The following SPANXN1 variants were observed in gnomAD, a reference collection of about 807,000 sequenced individuals.
SPANXN1 encodes the protein sperm protein associated with the nucleus on the X chromosome N1.
In SPANXN1, 1 loss-of-function variant was observed where a neutral mutation model predicts 2.0. The observed-to-expected ratio is 0.50, with a 90% CI of 0.18 to 2.36. The LOEUF (loss-of-function observed/expected upper bound fraction) is 2.36. Ranked by LOEUF, SPANXN1 falls within the 30% of genes most tolerant of loss-of-function variation. SPANXN1 has a pLI of 0.26. For missense variants in SPANXN1, 55 were observed against 51.8 expected, an observed-to-expected ratio of 1.06 and a Z score of -0.19; for synonymous variants, 27 against 21.3, an observed-to-expected ratio of 1.27 and a Z score of -0.74.
intron 1 of SPANXN1, among the ~76,000 whole-genome samples, chrX:145,252,081 C>T (rs1321395592): frequency 9.0e-6 from 1 of 111,453 alleles, no homozygotes; most frequent in Non-Finnish European, 1.9e-5. Context: ...AGGTCATTGA[C>T]ATATTGGAGG....
chrX:145,252,455 T>C (rs1345368628), intron 1 of SPANXN1, among the ~76,000 whole-genome samples: 2 of 110,555 alleles, frequency 1.8e-5, no homozygotes, highest in Non-Finnish European at 3.8e-5. Flanking sequence ...AATAGGGGTG[T>C]TGTGGGGAGA....
At chrX:145,250,342 G>A (rs187618129) in intron 1 of SPANXN1, among the ~76,000 whole-genome samples, 54 of 111,179 alleles carry the variant, frequency 4.9e-4, no homozygotes, top group African/African-American at 1.6e-3. Flanking sequence ...TTTCTGGGGG[G>A]CATGTGAGTG....
chrX:145,250,183 T>C (rs1351086447), intron 1 of SPANXN1, among the ~76,000 whole-genome samples: 2 of 111,976 alleles, frequency 1.8e-5, no homozygotes, highest in Non-Finnish European at 3.8e-5. Context: ...AATTGACCCA[T>C]TGTCTGACTG....
intron 1 of SPANXN1, among the ~76,000 whole-genome samples, chrX:145,254,241 G>A (rs1476614544): frequency 8.9e-6 from 1 of 111,772 alleles, no homozygotes; most frequent in Admixed American, 9.5e-5. Context: ...TTGAAAAGGT[G>A]AACAAGATTG....
In SPANXN1 at chrX:145,255,667, A is replaced by C. The variant is rs782729567; in HGVS notation, c.76-4A>C. 12 of 1,211,719 alleles carry C rather than the reference A, an allele frequency of 9.9e-6. No individual in the cohort carries two copies. The highest frequency in any genetic ancestry group is 1.8e-5 in the South Asian group (1 of 56,984). ...TTTCTGGCCTCTCCCTGTTTTCTTA[A>C]CAGATGCAGGAGACACCAAACAGGG... On this transcript the variant is annotated splice_region_variant and splice_polypyrimidine_tract_variant and intron_variant, in intron 1 of 1. Coordinates refer to ENST00000370493, the MANE Select transcript of SPANXN1 (RefSeq NM_001009614.3).
In SPANXN1 at chrX:145,256,024, T is replaced by A; in HGVS notation, c.*210T>A. The stretch of plus-strand genomic sequence containing the variant: ...TACCTGAAGGATCTTCAAAGCAGGA[T>A]GAAGACCTAGACTTACCTGAAGGAT... On this transcript the variant is annotated 3_prime_UTR_variant, in exon 2 of 2. Transcript: ENST00000370493. 2 of 713,155 alleles carry A rather than the reference T, an allele frequency of 2.8e-6. No homozygotes were observed. The highest frequency in any genetic ancestry group is 4.4e-6 in the Non-Finnish European group (2 of 456,061). 58.8% of individuals were successfully genotyped at this position (713,155 alleles called of 1,213,427 possible). A position where few individuals can be genotyped will look rare whatever the true frequency, so the allele number is the denominator to read the frequency against.
rs147948245 is a variant in SPANXN1, at chrX:145,247,648, A to G, written c.62A>G (p.Asn21Ser). ...EKRKSPCESNNENDEMQETPN... is the reference protein window; with the variant it reads ...EKRKSPCESNSENDEMQETPN... The stretch of plus-strand genomic sequence containing the variant: ...AGGAAGAGCCCCTGTGAATCCAACA[A>G]TGAAAATGATGAGGTAAGATTGTTA... The change falls in exon 1 of 2, where the codon AAT (asparagine) becomes AGT (serine). Residue 21 changes from asparagine (N) to serine (S), a missense_variant. By Grantham distance (46) the Asn-to-Ser change is conservative. Coordinates refer to ENST00000370493, the MANE Select transcript of SPANXN1 (RefSeq NM_001009614.3). The G allele has an allele frequency of 4.7e-5, 57 of 1,205,595 alleles. 1 individual carries two copies. In the African/African-American group the frequency reaches 6.1e-4, roughly 13 times the overall value.
At chrX:145,248,293 A>G (rs1188025270) in intron 1 of SPANXN1, among the ~76,000 whole-genome samples, 2 of 111,244 alleles carry the variant, frequency 1.8e-5, no homozygotes, top group South Asian at 3.9e-4. Context: ...GATGGTATCA[A>G]TGTGTTGCTG....
At chrX:145,251,812 AG>A in intron 1 of SPANXN1, among the ~76,000 whole-genome samples, 1 of 111,040 alleles carries the variant, frequency 9.0e-6, no homozygotes, top group East Asian at 2.8e-4. Context: ...AGCAAGTCAA[AG>A]TTGGAAATTC....
intron 1 of SPANXN1, among the ~76,000 whole-genome samples, chrX:145,254,624 G>A (rs2070800708): frequency 8.9e-6 from 1 of 112,330 alleles, no homozygotes; most frequent in African/African-American, 3.2e-5. Context: ...GAGAAGGGAG[G>A]CTGCGGTCAC....
rs375512066 is a variant in SPANXN1 at position 145,248,421 on chromosome X, A to G, written c.75+760A>G. ...GAAGATTAACGGCCCTAAGAAAGGG[A>G]CCACCTGCTATCCCAGTGCTGAGTG... On this transcript the variant is annotated intron_variant, in intron 1 of 1. Transcript: ENST00000370493. Among the ~76,000 whole-genome samples the G allele has an allele frequency of 4.5e-5, 5 of 111,551 alleles. No homozygotes were observed. The East Asian group carries it at 1.1e-3, about 25-fold the overall frequency.
chrX:145,252,046 G>A (rs1556882569), intron 1 of SPANXN1, among the ~76,000 whole-genome samples: 2 of 111,554 alleles, frequency 1.8e-5, no homozygotes, highest in African/African-American at 3.3e-5. Flanking sequence ...GAATGGACAG[G>A]TTAAGGAAAG....
intron 1 of SPANXN1, among the ~76,000 whole-genome samples, chrX:145,251,783 C>T (rs1954405444): frequency 9.0e-6 from 1 of 110,971 alleles, no homozygotes; most frequent in Non-Finnish European, 1.9e-5. Context: ...CATGTGAGGC[C>T]ATGTAGAGTG....
intron 1 of SPANXN1, among the ~76,000 whole-genome samples, chrX:145,248,371 C>T (rs1427362219): frequency 5.4e-5 from 6 of 110,998 alleles, no homozygotes; most frequent in Admixed American, 9.6e-5. Context: ...GAGTATACAT[C>T]GGCCAAATGT....
intron 1 of SPANXN1, among the ~76,000 whole-genome samples, chrX:145,250,281 A>G (rs371637869): frequency 8.1e-5 from 9 of 110,784 alleles, no homozygotes; most frequent in African/African-American, 2.0e-4. Context: ...GGTGGGAAAA[A>G]CTTTTATTCA....
intron 1 of SPANXN1, among the ~76,000 whole-genome samples, chrX:145,255,138 C>G (rs1418094956): frequency 2.7e-5 from 3 of 111,645 alleles, no homozygotes; most frequent in Non-Finnish European, 5.7e-5. Context: ...AGTGGGGGAA[C>G]AGCTTAATGC....
In SPANXN1 at chrX:145,247,538, C is replaced by G. The variant is rs781788866; in HGVS notation, c.-49C>G. The G allele has an allele frequency of 6.1e-6, 7 of 1,145,760 alleles. No individual in the cohort carries two copies. Among genetic ancestry groups the G allele is most frequent in the Admixed American group, 4.4e-5 (2 of 45,874 alleles). The allele number at this position is 1,145,760 out of a possible 1,213,427, so 94.4% of individuals were successfully genotyped here. A position where few individuals can be genotyped will look rare whatever the true frequency, so the allele number is the denominator to read the frequency against. On this transcript the variant is annotated 5_prime_UTR_variant, in exon 1 of 2. Transcript: ENST00000370493. ...GAAGCTTCAATACAGCTGTGCAAGT[C>G]TGGAGTCTACAAGAGCCTACTATAG... is the stretch of plus-strand genomic sequence containing the variant.
At chrX:145,253,709 T>A (rs1264193997) in intron 1 of SPANXN1, among the ~76,000 whole-genome samples, 8 of 110,932 alleles carry the variant, frequency 7.2e-5, no homozygotes, top group Non-Finnish European at 1.9e-5. Context: ...GTGAGTAGCA[T>A]CTTTTTGTTG....
chrX:145,250,190 A>C (rs2070779997), intron 1 of SPANXN1, among the ~76,000 whole-genome samples: 1 of 112,007 alleles, frequency 8.9e-6, no homozygotes, highest in Non-Finnish European at 1.9e-5. Context: ...CCATTGTCTG[A>C]CTGGATGCAA....
Sources: gnomAD v4.1 joint callset for allele counts (sites outside exome capture counted in the v4.1 genomes callset) on GRCh38, gnomAD v4.1.1 for gene constraint, MANE v1.5 for transcripts, NCBI Gene and HGNC (gene_info 2026-07-23, HGNC 2026-07-21) for gene names.